Variants in DIRAS1 observed in about 807,000 individuals in gnomAD.
DIRAS1 encodes GTP-binding protein Di-Ras1.
Under a neutral mutation model 11.5 loss-of-function variants are expected in DIRAS1, and 3 were observed. The observed-to-expected ratio is 0.26, with a 90% CI of 0.12 to 0.67. The LOEUF (loss-of-function observed/expected upper bound fraction) is 0.67. Among genes scored for constraint, DIRAS1 ranks in the 30% least tolerant of loss-of-function variants. The pLI is 0.80. For synonymous variants in DIRAS1, 128 were observed against 125.8 expected (o/e 1.02, Z -0.12); for missense variants, 212 against 285.3 (o/e 0.74, Z 1.85).
chr19:2,720,764 G>A (rs1185060785), intron 1 of DIRAS1, among the ~76,000 whole-genome samples: 3 of 151,842 alleles, frequency 2.0e-5, no homozygotes, highest in East Asian at 1.9e-4. Context: ...TGGGGCGGGG[G>A]TCTGACCCAG....
chr19:2,719,309 C>A (rs1216167451), intron 1 of DIRAS1: 1 of 152,154 alleles, frequency 6.6e-6, no homozygotes, highest in African/African-American at 2.4e-5. Flanking sequence ...ATCGCCACTC[C>A]CTAAACTCTA....
chr19:2,717,588 G>T lies in DIRAS1; in HGVS notation c.219C>A (p.Arg73=), dbSNP rs531353411. The T allele has an allele frequency of 6.2e-7, 1 of 1,613,250 alleles. No homozygotes were observed. The highest frequency in any genetic ancestry group is 2.2e-5 in the East Asian group (1 of 44,864). ...TGSHQFPAMQ[R]LSISKGHAFI... The stretch of plus-strand genomic sequence containing the variant: ...AGGCGTGGCCCTTGGAGATGGACAG[G>T]CGCTGCATGGCCGGGAACTGGTGGC... The change falls in exon 2 of 2, where the codon CGC becomes CGA. Residue 73 remains arginine, a synonymous_variant. Coordinates refer to ENST00000323469, the MANE Select transcript of DIRAS1 (RefSeq NM_145173.4).
rs1476707158 is a variant in DIRAS1, at chr19:2,717,136, G to A, written c.*74C>T. The A allele has an allele frequency of 9.0e-6, 13 of 1,448,868 alleles. No individual in the cohort carries two copies. The highest frequency in any genetic ancestry group is 7.7e-5 in the South Asian group (6 of 77,738). 89.8% of individuals were successfully genotyped at this position (1,448,868 alleles called of 1,614,324 possible). A position where few individuals can be genotyped will look rare whatever the true frequency, so the allele number is the denominator to read the frequency against. On this transcript the variant is annotated 3_prime_UTR_variant, in exon 2 of 2. Coordinates refer to ENST00000323469, the MANE Select transcript of DIRAS1 (RefSeq NM_145173.4). Reference sequence around the variant, plus strand: ...AAGGATGAGAGAAGAGGAGGAGGCCGAGGAGGGTGTCGGTGTTGGGGGAGG... The same window carrying A: ...AAGGATGAGAGAAGAGGAGGAGGCCAAGGAGGGTGTCGGTGTTGGGGGAGG...
At position 2,717,338 on chromosome 19, in the gene DIRAS1, C is replaced by T. The variant is rs866686487; in HGVS notation, c.469G>A (p.Val157Ile). Reference protein sequence around the residue: ...METSAKMNYNVKELFQELLTL... With the variant: ...METSAKMNYNIKELFQELLTL... ...AGCAGCTCCTGGAAGAGCTCCTTGA[C>T]GTTGTAGTTCATCTTGGCCGAGGTC... The change falls in exon 2 of 2, where the codon GTC (valine) becomes ATC (isoleucine). Residue 157 changes from valine to isoleucine, a missense_variant. Val to Ile is a conservative substitution (Grantham distance 29, BLOSUM62 3). Coordinates refer to ENST00000323469, the MANE Select transcript of DIRAS1 (RefSeq NM_145173.4). 1.9e-6 allele frequency: 3 copies of T among 1,611,326 alleles called. No individual in the cohort carries two copies. Among genetic ancestry groups the T allele is most frequent in the Non-Finnish European group, 2.5e-6 (3 of 1,180,014 alleles).
At chr19:2,719,141 G>A (rs1212307725) in intron 1 of DIRAS1, 1 of 152,156 alleles carries the variant, frequency 6.6e-6, no homozygotes, top group Non-Finnish European at 1.5e-5. Context: ...TTACAGGGCT[G>A]CTCTCCTCAC....
At chr19:2,720,563 C>T (rs763509602) in intron 1 of DIRAS1, among the ~76,000 whole-genome samples, 2 of 150,536 alleles carry the variant, frequency 1.3e-5, no homozygotes, top group Non-Finnish European at 3.0e-5. Flanking sequence ...GGTTTCCCGC[C>T]TGTGCGGGGC....
At position 2,718,491 on chromosome 19, in the gene DIRAS1, G is replaced by T. The variant is rs1913880064; in HGVS notation, c.-69-616C>A. Among the ~76,000 whole-genome samples the T allele has an allele frequency of 6.6e-6, 1 of 152,156 alleles. No homozygotes were observed. The highest frequency in any genetic ancestry group is 6.5e-5 in the Admixed American group (1 of 15,270). Reference sequence around the variant, plus strand: ...TGATGAATCGGTCGGCCAGGGCAACGGCCCTGGGAACTCGTATTTTATTTT... The same window carrying T: ...TGATGAATCGGTCGGCCAGGGCAACTGCCCTGGGAACTCGTATTTTATTTT... On this transcript the variant is annotated intron_variant, in intron 1 of 1. Coordinates refer to ENST00000323469, the MANE Select transcript of DIRAS1 (RefSeq NM_145173.4). The surrounding 1 kb of genome is among the most constrained non-coding windows in gnomAD (Gnocchi z 4.2).
In DIRAS1 at chr19:2,717,047, G is replaced by C; in HGVS notation, c.*163C>G. ...GAAGAAAAGCCCCAGCCCTGCCTCG[G>C]GGTGGGCAGGGGCAGCGGAGGGGGG... On this transcript the variant is annotated 3_prime_UTR_variant, in exon 2 of 2. Coordinates refer to ENST00000323469, the MANE Select transcript of DIRAS1 (RefSeq NM_145173.4). The C allele has an allele frequency of 1.5e-6, 1 of 689,644 alleles. No homozygotes were observed. The highest frequency in any genetic ancestry group is 2.4e-6 in the Non-Finnish European group (1 of 421,898). The allele number at this position is 689,644 out of a possible 1,614,324, so 42.7% of individuals were successfully genotyped here.
At position 2,717,752 on chromosome 19, in the gene DIRAS1, C is replaced by T; in HGVS notation, c.55G>A (p.Gly19Ser). Residue 19 changes from glycine (G) to serine (S), a missense_variant, in exon 2 of 2, where the codon GGC becomes AGC. Physicochemically the swap from Gly to Ser is moderately conservative, Grantham distance 56. Around this residue, in one of 2 missense-constraint regions of DIRAS1, gnomAD observed 128 missense variants for 205.3 expected, o/e 0.62. Coordinates refer to ENST00000323469, the MANE Select transcript of DIRAS1 (RefSeq NM_145173.4). ...AAGCGCAGCACCAGCGAGCTCTTGC[C>T]CACGCCGCCCGCCCCGAACACCACC... ...RVVVFGAGGV[G>S]KSSLVLRFVK... 6.2e-7 allele frequency: 1 copy of T among 1,603,560 alleles called. No homozygotes were observed. Among genetic ancestry groups the T allele is most frequent in the Non-Finnish European group, 8.5e-7 (1 of 1,179,886 alleles).
rs1208971576 is a variant in DIRAS1 at position 2,717,414 on chromosome 19, G to A, written c.393C>T (p.Asp131=). The A allele has an allele frequency of 1.9e-6, 3 of 1,607,882 alleles. No homozygotes were observed. Among genetic ancestry groups the A allele is most frequent in the Admixed American group, 1.7e-5 (1 of 60,012 alleles). ...GGGCCACCGCCTGCGCCTCGCGCGT[G>A]TCCACCTCCCGCTGCGTCTCATCGC... The part of the protein sequence containing the change: ...NKCDETQREV[D]TREAQAVAQE... The change falls in exon 2 of 2, where the codon GAC becomes GAT. Residue 131 remains aspartate, a synonymous_variant. Transcript: ENST00000323469.
chr19:2,720,872 T>G (rs1913936639), intron 1 of DIRAS1, among the ~76,000 whole-genome samples: 1 of 151,618 alleles, frequency 6.6e-6, no homozygotes, highest in Admixed American at 6.6e-5. Flanking sequence ...GGGGCGACCC[T>G]TGACTCAGGA....
chr19:2,718,008 C>G lies in DIRAS1; in HGVS notation c.-69-133G>C. Reference sequence around the variant, plus strand: ...CCGTGCCTCCTGCCTCCTGAAAAGGCCCATTTGCTTGTGGCTGACTTTGCA... The same window carrying G: ...CCGTGCCTCCTGCCTCCTGAAAAGGGCCATTTGCTTGTGGCTGACTTTGCA... On this transcript the variant is annotated intron_variant, in intron 1 of 1. Coordinates refer to ENST00000323469, the MANE Select transcript of DIRAS1 (RefSeq NM_145173.4). This position sits in a 1 kb window ranked among gnomAD's most constrained non-coding sequence, Gnocchi z 4.2. 3 of 609,590 alleles carry G rather than the reference C, an allele frequency of 4.9e-6. No individual in the cohort carries two copies. The highest frequency in any genetic ancestry group is 8.6e-6 in the Non-Finnish European group (3 of 348,762). The allele number at this position is 609,590 out of a possible 1,614,324, so 37.8% of individuals were successfully genotyped here.
In DIRAS1 at chr19:2,717,735, C is replaced by G. The variant is rs763070810; in HGVS notation, c.72G>C (p.Val24=). 1.9e-6 allele frequency: 3 copies of G among 1,606,206 alleles called. No individual in the cohort carries two copies. Among genetic ancestry groups the G allele is most frequent in the East Asian group, 4.5e-5 (2 of 44,868 alleles). ...GAGGVGKSSL[V]LRFVKGTFRD... ...GGAACGTGCCCTTCACGAAGCGCAG[C>G]ACCAGCGAGCTCTTGCCCACGCCGC... Residue 24 remains valine (V), a synonymous_variant, in exon 2 of 2, where the codon GTG becomes GTC. Transcript: ENST00000323469.
In DIRAS1 at chr19:2,717,888, G is replaced by A. The variant is rs751029981; in HGVS notation, c.-69-13C>T. On this transcript the variant is annotated splice_polypyrimidine_tract_variant and intron_variant, in intron 1 of 1. Transcript: ENST00000323469. ...CCCCAGACCGAGCCTGTGCAGAGAG[G>A]AGGGTCACACGTCAAAGGCCACCCA... 9.3e-5 allele frequency: 131 copies of A among 1,406,784 alleles called. No homozygotes were observed. Among genetic ancestry groups the A allele is most frequent in the Non-Finnish European group, 1.0e-4 (105 of 1,050,670 alleles). The allele number at this position is 1,406,784 out of a possible 1,614,324, so 87.1% of individuals were successfully genotyped here. A position where few individuals can be genotyped will look rare whatever the true frequency, so the allele number is the denominator to read the frequency against.
chr19:2,720,140 G>T (rs536824348), intron 1 of DIRAS1, among the ~76,000 whole-genome samples: 3 of 152,096 alleles, frequency 2.0e-5, no homozygotes, highest in Non-Finnish European at 2.9e-5. Context: ...TGCTGGTGGT[G>T]GGGGGGAGGC....
chr19:2,716,969 C>G lies in DIRAS1; in HGVS notation c.*241G>C. On this transcript the variant is annotated 3_prime_UTR_variant, in exon 2 of 2. Coordinates refer to ENST00000323469, the MANE Select transcript of DIRAS1 (RefSeq NM_145173.4). ...CAGGACAAGGGGGCCACCTCCGGCT[C>G]TTGGTTTTGGAGGGTACAGACAGAA... The G allele has an allele frequency of 2.1e-6, 1 of 477,866 alleles. No individual in the cohort carries two copies. 29.6% of individuals were successfully genotyped at this position (477,866 alleles called of 1,614,324 possible). A position where few individuals can be genotyped will look rare whatever the true frequency, so the allele number is the denominator to read the frequency against.
rs1008981858 is a variant in DIRAS1 at position 2,715,242 on chromosome 19, G to A, written c.*1968C>T. On this transcript the variant is annotated 3_prime_UTR_variant, in exon 2 of 2. Transcript: ENST00000323469. ...TCCCACCTGGCCACATGACTACAGA[G>A]ACACATGTGTGCAATCTCTCTCTCT... 1.3e-4 allele frequency: 20 copies of A among 151,950 alleles called. No homozygotes were observed. The highest frequency in any genetic ancestry group is 4.4e-5 in the Non-Finnish European group (3 of 68,068). The allele number at this position is 151,950 out of a possible 1,614,324, so 9.4% of individuals were successfully genotyped here.
At chr19:2,720,232 G>A (rs948038775) in intron 1 of DIRAS1, among the ~76,000 whole-genome samples, 10 of 152,214 alleles carry the variant, frequency 6.6e-5, no homozygotes, top group African/African-American at 1.9e-4. Context: ...ACGCCACCAA[G>A]ACCGGCCTGG....
At position 2,718,479 on chromosome 19, in the gene DIRAS1, G is replaced by C. The variant is rs79295693; in HGVS notation, c.-69-604C>G. Among the ~76,000 whole-genome samples the C allele has an allele frequency of 5.0e-3, 757 of 152,246 alleles. 8 individuals carry two copies. The highest frequency in any genetic ancestry group is 0.017 in the African/African-American group (715 of 41,544). On this transcript the variant is annotated intron_variant, in intron 1 of 1. Transcript: ENST00000323469. The surrounding 1 kb of genome is among the most constrained non-coding windows in gnomAD (Gnocchi z 4.2). ...CAGCCCTAGGTGTGATGAATCGGTC[G>C]GCCAGGGCAACGGCCCTGGGAACTC...
Sources: gnomAD v4.1 joint callset for allele counts (sites outside exome capture counted in the v4.1 genomes callset) on GRCh38, gnomAD v4.1.1 for gene constraint, gnomAD v4.1.1 regional missense constraint, Gnocchi (gnomAD v3.1) non-coding constraint, MANE v1.5 for transcripts, NCBI Gene and HGNC (gene_info 2026-07-23, HGNC 2026-07-21) for gene names.